ZDHHC17: variants seen among roughly 807,000 people sequenced by gnomAD.
ZDHHC17 encodes the protein zDHHC palmitoyltransferase 17.
ZDHHC17 carries 40 observed loss-of-function variants against 90.3 expected under a neutral mutation model. That is an observed-to-expected ratio of 0.44 (90% CI 0.34 to 0.58). The LOEUF (loss-of-function observed/expected upper bound fraction) is 0.58, where lower values mean the gene tolerates loss of function less well. Among genes scored for constraint, ZDHHC17 ranks in the 20% least tolerant of loss-of-function variants. The pLI, the probability that ZDHHC17 is intolerant of heterozygous loss-of-function variation, is 0.01. For missense variants in ZDHHC17, 614 were observed against 780.8 expected (o/e 0.79, Z 2.55); for synonymous variants, 235 against 252.4 (o/e 0.93, Z 0.65).
intron 10 of ZDHHC17, among the ~76,000 whole-genome samples, chr12:76,830,085 A>G (rs1423600425): frequency 2.6e-5 from 4 of 151,980 alleles, no homozygotes; most frequent in Non-Finnish European, 5.9e-5. Context: ...GATATTTTAC[A>G]TAGAAAAAGT....
chr12:76,764,801 A>G lies in ZDHHC17; in HGVS notation c.93+472A>G, dbSNP rs904695575. On this transcript the variant is annotated intron_variant, in intron 1 of 16. Transcript: ENST00000426126. ...AGGGGACAGTTTCATGGGCATAGTG[A>G]TGTCCTTCCAGGTAATGCCATGGGT... 6.6e-6 allele frequency: 3 copies of G among 457,022 alleles called. No homozygotes were observed. In the East Asian group the frequency reaches 2.1e-4, roughly 32 times the overall value. The allele number at this position is 457,022 out of a possible 1,614,324, so 28.3% of individuals were successfully genotyped here. A position where few individuals can be genotyped will look rare whatever the true frequency, so the allele number is the denominator to read the frequency against.
Position 76,780,487 on chromosome 12 carries a change from G to A in ZDHHC17, c.93+16158G>A, listed in dbSNP as rs570516141. 1.6e-3 allele frequency among the ~76,000 whole-genome samples: 239 copies of A among 152,206 alleles called. 2 individuals are homozygous for A. Among genetic ancestry groups the A allele is most frequent in the African/African-American group, 5.6e-3 (232 of 41,540 alleles). On this transcript the variant is annotated intron_variant, in intron 1 of 16. Coordinates refer to ENST00000426126, the MANE Select transcript of ZDHHC17 (RefSeq NM_015336.4). ...ATTTCTCTCATCTTACAAAACAAAA[G>A]CAAAATAAAAAACTTTATTTTTCTT...
chr12:76,768,511 A>G (rs1952456905), intron 1 of ZDHHC17, among the ~76,000 whole-genome samples: 1 of 152,236 alleles, frequency 6.6e-6, no homozygotes, highest in East Asian at 1.9e-4. Context: ...CCAGAAGGTA[A>G]ATAACTAGTT....
At chr12:76,833,170 C>T (rs1471595569) in intron 10 of ZDHHC17, among the ~76,000 whole-genome samples, 2 of 152,068 alleles carry the variant, frequency 1.3e-5, no homozygotes, top group Non-Finnish European at 2.9e-5. Context: ...CCATAAAACA[C>T]CTTATGTTTA....
chr12:76,822,005 A>C (rs1423685594), intron 7 of ZDHHC17, among the ~76,000 whole-genome samples: 5 of 152,134 alleles, frequency 3.3e-5, no homozygotes, highest in South Asian at 2.1e-4. Context: ...TGTTGAAATA[A>C]AACTGAGAGA....
intron 10 of ZDHHC17, among the ~76,000 whole-genome samples, chr12:76,829,081 A>C (rs1419957143): frequency 6.6e-6 from 1 of 152,186 alleles, no homozygotes; most frequent in Non-Finnish European, 1.5e-5. Context: ...TCGAGGATGC[A>C]GAGAAAAAGG....
At chr12:76,848,804 C>T (rs1953525517) in intron 15 of ZDHHC17, among the ~76,000 whole-genome samples, 1 of 152,122 alleles carries the variant, frequency 6.6e-6, no homozygotes, top group South Asian at 2.1e-4. Flanking sequence ...CCTGTCCATG[C>T]ACAGTGTCAA....
rs575722168 is a variant in ZDHHC17 at position 76,853,619 on chromosome 12, T to C, written c.*2634T>C. The C allele has an allele frequency of 1.1e-4, 17 of 152,672 alleles. No individual in the cohort carries two copies. The highest frequency in any genetic ancestry group is 3.8e-4 in the African/African-American group (16 of 41,582). 9.5% of individuals were successfully genotyped at this position (152,672 alleles called of 1,614,324 possible). A position where few individuals can be genotyped will look rare whatever the true frequency, so the allele number is the denominator to read the frequency against. On this transcript the variant is annotated 3_prime_UTR_variant, in exon 17 of 17. Coordinates refer to ENST00000426126, the MANE Select transcript of ZDHHC17 (RefSeq NM_015336.4). The stretch of plus-strand genomic sequence containing the variant: ...TGGAAAGAAAAACCTGTAAAGTGTT[T>C]AATAAATTAGCCCTCCTTACATAAA...
chr12:76,836,132 T>G lies in ZDHHC17; in HGVS notation c.1142-5850T>G, dbSNP rs181957556. On this transcript the variant is annotated intron_variant, in intron 10 of 16. Transcript: ENST00000426126. ...ATTTGTGAATGAAATTGTCTTATAA[T>G]TTTTTTGTATTGTCTTTGTTATGTT... Among the ~76,000 whole-genome samples the G allele has an allele frequency of 6.3e-4, 96 of 152,066 alleles. 1 individual carries two copies. The highest frequency in any genetic ancestry group is 2.0e-3 in the African/African-American group (83 of 41,532).
chr12:76,769,875 T>C (rs1952473576), intron 1 of ZDHHC17, among the ~76,000 whole-genome samples: 1 of 152,212 alleles, frequency 6.6e-6, no homozygotes, highest in Admixed American at 6.5e-5. Context: ...TTTTGAGAAA[T>C]GTCATTTTCC....
In ZDHHC17 at chr12:76,826,976, C is replaced by A; in HGVS notation, c.966C>A (p.Asp322Glu). ...LVIWLVGFIA[D>E]LNIDSWLIKG... Reference sequence around the variant, plus strand: ...TTTGGCTGGTTGGGTTTATAGCAGACCTAAATATTGATTCTTGGCTCATTA... The same window carrying A: ...TTTGGCTGGTTGGGTTTATAGCAGAACTAAATATTGATTCTTGGCTCATTA... The change falls in exon 9 of 17, where the codon GAC (aspartate) becomes GAA (glutamate). Residue 322 changes from aspartate (D) to glutamate (E), a missense_variant. Asp to Glu is a conservative substitution (Grantham distance 45). This residue lies in a region of ZDHHC17 where 117 missense variants were observed against 183.6 expected (regional missense o/e 0.64). Transcript: ENST00000426126. The A allele has an allele frequency of 6.4e-7, 1 of 1,555,226 alleles. No homozygotes were observed. The highest frequency in any genetic ancestry group is 8.6e-7 in the Non-Finnish European group (1 of 1,159,956).
intron 8 of ZDHHC17, among the ~76,000 whole-genome samples, chr12:76,826,690 T>C (rs2137784372): frequency 6.6e-6 from 1 of 152,298 alleles, no homozygotes; most frequent in East Asian, 1.9e-4. Flanking sequence ...ATAACTTCTG[T>C]TCTTATTTTC....
chr12:76,789,962 A>G (rs922721862), intron 1 of ZDHHC17, among the ~76,000 whole-genome samples: 1 of 152,156 alleles, frequency 6.6e-6, no homozygotes, highest in Non-Finnish European at 1.5e-5. Context: ...AACAAAAAGA[A>G]CATTGGACAA....
At chr12:76,791,465 A>T (rs1196420056) in intron 1 of ZDHHC17, among the ~76,000 whole-genome samples, 1 of 152,128 alleles carries the variant, frequency 6.6e-6, no homozygotes, top group Non-Finnish European at 1.5e-5. Context: ...AATTTTTTTT[A>T]AAAGGAGCTT....
chr12:76,818,661 C>T (rs1056823761), intron 7 of ZDHHC17, among the ~76,000 whole-genome samples: 5 of 152,202 alleles, frequency 3.3e-5, no homozygotes, highest in African/African-American at 9.6e-5. Flanking sequence ...TGCAAGTGCA[C>T]GGTCCTAAAC....
At chr12:76,773,299 T>A (rs1367951503) in intron 1 of ZDHHC17, among the ~76,000 whole-genome samples, 1 of 152,214 alleles carries the variant, frequency 6.6e-6, no homozygotes, top group East Asian at 1.9e-4. Context: ...TCTCTTTAGT[T>A]TTGTTTTTTC....
chr12:76,816,141 T>TG, intron 7 of ZDHHC17, 122 bp downstream of exon 7: 6 of 657,492 alleles, frequency 9.1e-6, no homozygotes, highest in Non-Finnish European at 1.4e-5. Context: ...AGGTTTACAG[T>TG]TAAACCACAT....
At chr12:76,846,707 T>A (rs1339511785) in intron 14 of ZDHHC17, 28 bp downstream of exon 14, 2 of 1,544,726 alleles carry the variant, frequency 1.3e-6, no homozygotes, top group East Asian at 4.5e-5. Context: ...TCGGTCTTTT[T>A]AAAACAAATT....
At chr12:76,780,336 A>G (rs772112326) in intron 1 of ZDHHC17, among the ~76,000 whole-genome samples, 14 of 152,152 alleles carry the variant, frequency 9.2e-5, no homozygotes, top group Non-Finnish European at 1.9e-4. Context: ...AGCATAAAAG[A>G]TACTGTACAT....
Sources: allele counts gnomAD v4.1 joint callset (sites outside exome capture counted in the v4.1 genomes callset), GRCh38; gene constraint gnomAD v4.1.1; regional missense constraint gnomAD v4.1.1; transcripts MANE v1.5; gene names NCBI Gene and HGNC (gene_info 2026-07-23, HGNC 2026-07-21).